CSMD1: variants seen among roughly 807,000 people sequenced by gnomAD.
CSMD1 encodes CUB and sushi domain-containing protein 1.
In CSMD1, 213 loss-of-function variants were observed where a neutral mutation model predicts 417.5. The ratio of observed to expected loss-of-function variants is 0.51; its 90% CI spans 0.46 to 0.57. The LOEUF is 0.57. CSMD1 is among the 20% of genes least tolerant of loss of function. The pLI is 0.00. For missense variants in CSMD1, 6,923 were observed against 4,529.7 expected (o/e 1.53, Z -15.17); for synonymous variants, 2,862 against 1,736.8 (o/e 1.65, Z -16.11).
intron 2 of CSMD1, among the ~76,000 whole-genome samples, chr8:4,500,462 A>G (rs1802204717): frequency 6.6e-6 from 1 of 152,194 alleles, no homozygotes; most frequent in Non-Finnish European, 1.5e-5. Context: ...ATTGAACAAA[A>G]CACCAGAAAC....
intron 3 of CSMD1, among the ~76,000 whole-genome samples, chr8:4,139,794 T>C (rs1382519091): frequency 6.6e-6 from 1 of 151,048 alleles, no homozygotes; most frequent in Admixed American, 6.6e-5. Flanking sequence ...GAGCTCAGTG[T>C]TCTACAGGCT....
chr8:4,380,972 T>C (rs56967787), intron 3 of CSMD1, among the ~76,000 whole-genome samples: 12,737 of 152,156 alleles, frequency 0.084, 695 homozygotes, highest in South Asian at 0.19. Flanking sequence ...CCATTTCCCA[T>C]TTGGGAAAAG....
chr8:3,791,256 C>G (rs903887566), intron 5 of CSMD1, among the ~76,000 whole-genome samples: 4 of 152,120 alleles, frequency 2.6e-5, no homozygotes, highest in Non-Finnish European at 5.9e-5. Flanking sequence ...ATAATTATAT[C>G]CAAAGCATGT....
In CSMD1 at chr8:3,181,107, T is replaced by C. The variant is rs369494591; in HGVS notation, c.5725+3A>G. ...AGCTGTATACAGAAAGAGTTGACCT[T>C]ACTTTTGTATTCCAGGTGGAAACCA... is the stretch of plus-strand genomic sequence containing the variant. On this transcript the variant is annotated splice_donor_region_variant and intron_variant, in intron 37 of 69. Coordinates refer to ENST00000635120, the MANE Select transcript of CSMD1 (RefSeq NM_033225.6). 26 of 1,601,848 alleles carry C rather than the reference T, an allele frequency of 1.6e-5. No individual in the cohort carries two copies. Among genetic ancestry groups the C allele is most frequent in the African/African-American group, 5.3e-5 (4 of 74,800 alleles).
At chr8:4,611,669 T>G (rs1055539032) in intron 2 of CSMD1, among the ~76,000 whole-genome samples, 5 of 152,334 alleles carry the variant, frequency 3.3e-5, no homozygotes, top group African/African-American at 9.6e-5. Context: ...TGTCTTGTGT[T>G]CATTTACTGT....
At chr8:3,841,600 G>C (rs180674905) in intron 5 of CSMD1, among the ~76,000 whole-genome samples, 2 of 151,812 alleles carry the variant, frequency 1.3e-5, no homozygotes, top group Non-Finnish European at 2.9e-5. Flanking sequence ...GCACTAGAAA[G>C]GATTTTAGAA....
At chr8:4,807,796 T>C (rs1798676156) in intron 1 of CSMD1, among the ~76,000 whole-genome samples, 2 of 152,156 alleles carry the variant, frequency 1.3e-5, no homozygotes, top group Admixed American at 6.5e-5. Flanking sequence ...CATAGAATAA[T>C]GGATCCATAG....
At chr8:4,479,561 C>G (rs1800977215) in intron 2 of CSMD1, among the ~76,000 whole-genome samples, 1 of 152,138 alleles carries the variant, frequency 6.6e-6, no homozygotes, top group Non-Finnish European at 1.5e-5. Context: ...TTCCAGAGCA[C>G]AAATAACATT....
chr8:4,891,585 C>G (rs769330746), intron 1 of CSMD1, among the ~76,000 whole-genome samples: 1 of 152,058 alleles, frequency 6.6e-6, no homozygotes, highest in Non-Finnish European at 1.5e-5. Context: ...TTTTTCATCT[C>G]TTTTAGGAAA....
At chr8:3,857,106 T>G (rs1008175055) in intron 5 of CSMD1, among the ~76,000 whole-genome samples, 4 of 152,168 alleles carry the variant, frequency 2.6e-5, no homozygotes, top group Non-Finnish European at 4.4e-5. Context: ...ACACAGCTCT[T>G]TAGTCATAAA....
At chr8:2,984,237 G>A (rs965477119) in intron 54 of CSMD1, among the ~76,000 whole-genome samples, 5 of 152,178 alleles carry the variant, frequency 3.3e-5, no homozygotes, top group African/African-American at 1.2e-4. Flanking sequence ...GCTCACTGGG[G>A]CAACCCTCAA....
chr8:3,918,244 TTTGTTG>T (rs889734901), intron 5 of CSMD1, among the ~76,000 whole-genome samples: 4 of 151,906 alleles, frequency 2.6e-5, no homozygotes, highest in African/African-American at 7.2e-5. Flanking sequence ...TATGGTAGGT[TTTGTTG>T]TTGTTGTTGT....
chr8:4,142,426 A>G (rs1179139727), intron 3 of CSMD1, among the ~76,000 whole-genome samples: 1 of 151,126 alleles, frequency 6.6e-6, no homozygotes, highest in African/African-American at 2.5e-5. Flanking sequence ...GCCTGCTACC[A>G]TAACAGAACT....
chr8:3,730,088 A>G (rs1437434540), intron 6 of CSMD1, among the ~76,000 whole-genome samples: 5 of 152,136 alleles, frequency 3.3e-5, no homozygotes, highest in African/African-American at 9.6e-5. Context: ...TCTCACCCCA[A>G]AAGAACTTTC....
Position 2,992,216 on chromosome 8 carries a change from C to G in CSMD1, c.8377+5795G>C, listed in dbSNP as rs1045735413. Among the ~76,000 whole-genome samples, 3 of 143,960 alleles carry G rather than the reference C, an allele frequency of 2.1e-5. No homozygotes were observed. The East Asian group carries it at 5.9e-4, about 28-fold the overall frequency. The allele number at this position is 143,960 out of a possible 152,430, so 94.4% of individuals were successfully genotyped here. A position where few individuals can be genotyped will look rare whatever the true frequency, so the allele number is the denominator to read the frequency against. ...GCACACATACATACACACATGCACACACACATGCACACATGCCACACTCAT... is the reference window on the plus strand; with the variant it reads ...GCACACATACATACACACATGCACAGACACATGCACACATGCCACACTCAT... On this transcript the variant is annotated intron_variant, in intron 54 of 69. Coordinates refer to ENST00000635120, the MANE Select transcript of CSMD1 (RefSeq NM_033225.6).
intron 49 of CSMD1, among the ~76,000 whole-genome samples, chr8:3,064,070 C>G (rs1812762555): frequency 6.6e-6 from 1 of 152,196 alleles, no homozygotes; most frequent in African/African-American, 2.4e-5. Flanking sequence ...TTTTCATTCT[C>G]TTTCATTTAC....
chr8:4,597,250 T>C (rs1236847266), intron 2 of CSMD1, among the ~76,000 whole-genome samples: 2 of 152,154 alleles, frequency 1.3e-5, no homozygotes, highest in Non-Finnish European at 2.9e-5. Context: ...TGATATATTA[T>C]CCCATGCCTT....
rs936215479 is a variant in CSMD1, at chr8:4,452,365, A to G, written c.303-32300T>C. Reference sequence around the variant, plus strand: ...AACAAATTCCACTGGGGTGACAAGTACAATACAAAGGCGTAGCCTCGAGGG... The same window carrying G: ...AACAAATTCCACTGGGGTGACAAGTGCAATACAAAGGCGTAGCCTCGAGGG... On this transcript the variant is annotated intron_variant, in intron 2 of 69. Coordinates refer to ENST00000635120, the MANE Select transcript of CSMD1 (RefSeq NM_033225.6). Among the ~76,000 whole-genome samples the G allele has an allele frequency of 3.9e-5, 6 of 152,328 alleles. No homozygotes were observed. The East Asian group carries it at 9.7e-4, about 25-fold the overall frequency.
intron 7 of CSMD1, among the ~76,000 whole-genome samples, chr8:3,665,578 T>C (rs17325824): frequency 0.1 from 15,361 of 152,204 alleles, 838 homozygotes; most frequent in Middle Eastern, 0.13. Flanking sequence ...GATTCCTTAC[T>C]ATCCCACTTA....
Sources: allele counts gnomAD v4.1 joint callset (sites outside exome capture counted in the v4.1 genomes callset), GRCh38; gene constraint gnomAD v4.1.1; transcripts MANE v1.5; gene names NCBI Gene and HGNC (gene_info 2026-07-23, HGNC 2026-07-21).